The following ANKS3 variants were observed in gnomAD, a reference collection of about 807,000 sequenced individuals.
The protein encoded by ANKS3 is ankyrin repeat and SAM domain-containing protein 3.
ANKS3 carries 62 observed loss-of-function variants against 80.7 expected under a neutral mutation model. The observed-to-expected ratio is 0.77, with a 90% CI of 0.63 to 0.95. The LOEUF (loss-of-function observed/expected upper bound fraction) is 0.95, where lower values mean the gene tolerates loss of function less well. Among genes scored for constraint, ANKS3 ranks in the 40% least tolerant of loss-of-function variants. The pLI is 0.00. For synonymous variants in ANKS3, 489 were observed against 355.3 expected, an observed-to-expected ratio of 1.38 and a Z score of -4.23; for missense variants, 1,150 against 883.6, an observed-to-expected ratio of 1.30 and a Z score of -3.82.
chr16:4,698,003 G>C lies in ANKS3; in HGVS notation c.1784C>G (p.Thr595Ser). ...AGCTGGGGGGACGGCTAGGCCCAGA[G>C]TGGCTGCACCAGGGGGCTGGTCCTG... The part of the protein sequence containing the change: ...VRQDQPPGAA[T>S]LGLAVPPADS... Residue 595 changes from threonine to serine, a missense_variant, in exon 15 of 18, where the codon ACT becomes AGT. Coordinates refer to ENST00000304283, the MANE Select transcript of ANKS3 (RefSeq NM_133450.4). The C allele has an allele frequency of 6.2e-7, 1 of 1,605,322 alleles. No individual in the cohort carries two copies. The highest frequency in any genetic ancestry group is 8.5e-7 in the Non-Finnish European group (1 of 1,176,664).
At chr16:4,717,973 C>A (rs543045785) in intron 6 of ANKS3, among the ~76,000 whole-genome samples, 2 of 152,270 alleles carry the variant, frequency 1.3e-5, no homozygotes, top group Non-Finnish European at 2.9e-5. Context: ...TGGGGTTTCA[C>A]CATGTTGGCC....
At chr16:4,719,228 A>T (rs1166656769) in intron 6 of ANKS3, among the ~76,000 whole-genome samples, 2 of 152,182 alleles carry the variant, frequency 1.3e-5, no homozygotes, top group African/African-American at 4.8e-5. Context: ...GCTACTCAGG[A>T]GGCTGAGTTG....
In ANKS3 at chr16:4,696,800, C is replaced by T; in HGVS notation, c.*108G>A. 2 of 592,566 alleles carry T rather than the reference C, an allele frequency of 3.4e-6. No individual in the cohort carries two copies. The highest frequency in any genetic ancestry group is 6.0e-6 in the Non-Finnish European group (2 of 333,274). 36.7% of individuals were successfully genotyped at this position (592,566 alleles called of 1,614,324 possible). A position where few individuals can be genotyped will look rare whatever the true frequency, so the allele number is the denominator to read the frequency against. On this transcript the variant is annotated 3_prime_UTR_variant, in exon 18 of 18. Transcript: ENST00000304283. ...TCCCGGGGCCTGATCCTCTGGCCCC[C>T]ACTGGGCCTGGGCTGCACATGGCAG...
At chr16:4,723,994 A>G (rs139306160) in intron 6 of ANKS3, among the ~76,000 whole-genome samples, 1 of 152,158 alleles carries the variant, frequency 6.6e-6, no homozygotes, top group Non-Finnish European at 1.5e-5. Context: ...CAGGAGGCTG[A>G]AGCTGCAGTG....
intron 7 of ANKS3, among the ~76,000 whole-genome samples, chr16:4,708,125 AT>A (rs1428569447): frequency 2.6e-5 from 4 of 151,824 alleles, no homozygotes; most frequent in African/African-American, 9.7e-5. Flanking sequence ...AAAAAAATAT[AT>A]ATATATATAG....
chr16:4,708,484 G>C (rs770866435), intron 7 of ANKS3, among the ~76,000 whole-genome samples: 9 of 151,978 alleles, frequency 5.9e-5, no homozygotes, highest in Non-Finnish European at 7.4e-5. Context: ...AATGAAAGAA[G>C]TTTCCAACTC....
rs922567613 is a variant in ANKS3 at position 4,734,047 on chromosome 16, G to C, written c.-180C>G. On this transcript the variant is annotated 5_prime_UTR_variant, in exon 1 of 18. Transcript: ENST00000304283. ...CCACATAAAGAAAATGTGGGGGCTC[G>C]GTCCTCCAGTCACGCGGCGAGCAAG... 1.0e-6 allele frequency: 1 copy of C among 981,668 alleles called. No individual in the cohort carries two copies. The highest frequency in any genetic ancestry group is 1.7e-5 in the African/African-American group (1 of 57,186). 60.8% of individuals were successfully genotyped at this position (981,668 alleles called of 1,614,324 possible).
chr16:4,705,209 G>C lies in ANKS3; in HGVS notation c.754C>G (p.Pro252Ala), dbSNP rs751325308. The C allele has an allele frequency of 6.2e-7, 1 of 1,614,062 alleles. No individual in the cohort carries two copies. The highest frequency in any genetic ancestry group is 8.5e-7 in the Non-Finnish European group (1 of 1,180,046). ...LSSSDESCPA[P>A]QRQRPCRKKG... is the part of the protein sequence containing the mutation. The stretch of plus-strand genomic sequence containing the variant: ...TTCCGGCAAGGCCTCTGTCTCTGAG[G>C]AGCAGGGCAGGACTCGTCAGAAGAG... Residue 252 changes from proline to alanine, a missense_variant, in exon 8 of 18, where the codon CCT becomes GCT. Pro to Ala is a conservative substitution (Grantham distance 27). Coordinates refer to ENST00000304283, the MANE Select transcript of ANKS3 (RefSeq NM_133450.4).
intron 5 of ANKS3, 144 bp downstream of exon 5, chr16:4,726,515 G>A: frequency 2.6e-6 from 2 of 774,896 alleles, no homozygotes; most frequent in African/African-American, 1.7e-5. Flanking sequence ...TGCCTGGAAG[G>A]ACTCTGGTCC....
At position 4,698,549 on chromosome 16, in the gene ANKS3, C is replaced by T; in HGVS notation, c.1602G>A (p.Glu534=). Residue 534 remains glutamate, a synonymous_variant, in exon 14 of 18, where the codon GAG becomes GAA. Transcript: ENST00000304283. The part of the protein sequence containing the change: ...ATRGQVCQEQ[E]LRAVVESCLL... ...GGCAGCTCTCCACCACGGCGCGCAG[C>T]TCCTGCTCCTGACACACCTGGCCCC... 1.3e-6 allele frequency: 2 copies of T among 1,581,478 alleles called. No homozygotes were observed. The highest frequency in any genetic ancestry group is 1.7e-6 in the Non-Finnish European group (2 of 1,171,520).
chr16:4,698,616 G>A lies in ANKS3; in HGVS notation c.1552-17C>T, dbSNP rs1228174557. 3.9e-6 allele frequency: 6 copies of A among 1,540,396 alleles called. No individual in the cohort carries two copies. In the Middle Eastern group the frequency reaches 9.5e-4, roughly 245 times the overall value. On this transcript the variant is annotated splice_polypyrimidine_tract_variant and intron_variant, in intron 13 of 17. Transcript: ENST00000304283. The stretch of plus-strand genomic sequence containing the variant: ...CTCGCAGCGCTGCAGGGGGGTGGGG[G>A]GCGCGGGGAGGCTGGGAGGTGGCCG...
At chr16:4,701,215 G>T (rs2079882474) in intron 10 of ANKS3, 81 bp from the exon 11 acceptor site, 1 of 1,586,440 alleles carries the variant, frequency 6.3e-7, no homozygotes, top group Non-Finnish European at 8.6e-7. Flanking sequence ...CCACACAGGG[G>T]CTTGAGAGGC....
chr16:4,698,879 G>A lies in ANKS3; in HGVS notation c.1472C>T (p.Pro491Leu). The change falls in exon 13 of 18, where the codon CCA becomes CTA. Residue 491 changes from proline (P) to leucine (L), a missense_variant. Physicochemically the swap from Pro to Leu is moderately conservative, Grantham distance 98. Transcript: ENST00000304283. Reference sequence around the variant, plus strand: ...GGCCAGCTCCAGGGCATCCCCGGGTGGGCGGGCACTGCTGTGCCAGCGGGC... The same window carrying A: ...GGCCAGCTCCAGGGCATCCCCGGGTAGGCGGGCACTGCTGTGCCAGCGGGC... ...AIARWHSSAR[P>L]PGDALELAYA... The A allele has an allele frequency of 2.5e-6, 4 of 1,601,094 alleles. No individual in the cohort carries two copies. The highest frequency in any genetic ancestry group is 1.7e-5 in the Admixed American group (1 of 59,108).
At chr16:4,724,606 C>T (rs1050139812) in intron 6 of ANKS3, 144 bp downstream of exon 6, 4 of 738,284 alleles carry the variant, frequency 5.4e-6, no homozygotes, top group East Asian at 2.8e-5. Flanking sequence ...CAACACCGGG[C>T]GTCAATAGAT....
chr16:4,732,282 C>T (rs859321), intron 1 of ANKS3, among the ~76,000 whole-genome samples: 65,525 of 152,002 alleles, frequency 0.43, 16,868 homozygotes, highest in East Asian at 0.65. Flanking sequence ...AGAAACCAAA[C>T]GAGCTGAGGG....
rs529181898 is a variant in ANKS3 at position 4,717,013 on chromosome 16, C to A, written c.574-2827G>T. Among the ~76,000 whole-genome samples the A allele has an allele frequency of 3.3e-5, 5 of 151,790 alleles. No individual in the cohort carries two copies. The South Asian group carries it at 1.0e-3, about 32-fold the overall frequency. On this transcript the variant is annotated intron_variant, in intron 6 of 17. Transcript: ENST00000304283. The stretch of plus-strand genomic sequence containing the variant: ...TTGGTAGGCCGAGACGGGTGGATCA[C>A]CTGAGGTCAGGAGTTCAAGACCAGC...
intron 5 of ANKS3, among the ~76,000 whole-genome samples, chr16:4,725,577 G>T (rs940310668): frequency 4.6e-5 from 7 of 152,178 alleles, no homozygotes. Flanking sequence ...ATTGGTACCC[G>T]CTGCGTTTGT....
At chr16:4,712,040 C>T (rs113348415) in intron 7 of ANKS3, among the ~76,000 whole-genome samples, 2,263 of 152,300 alleles carry the variant, frequency 0.015, 24 homozygotes, top group Middle Eastern at 0.027. Context: ...GAAGTAAACA[C>T]TGATACCCAT....
chr16:4,702,312 G>C, intron 8 of ANKS3, 70 bp from the exon 9 acceptor site: 3 of 1,385,010 alleles, frequency 2.2e-6, no homozygotes, highest in Non-Finnish European at 2.8e-6. Context: ...CCGAGGCCCA[G>C]GATGGAGGCA....
Sources: allele counts gnomAD v4.1 joint callset (sites outside exome capture counted in the v4.1 genomes callset), GRCh38; gene constraint gnomAD v4.1.1; transcripts MANE v1.5; gene names NCBI Gene and HGNC (gene_info 2026-07-23, HGNC 2026-07-21).